Variants in MARCHF1 observed in about 807,000 individuals in gnomAD.
MARCHF1 encodes E3 ubiquitin-protein ligase MARCHF1.
MARCHF1 carries 40 observed loss-of-function variants against 54.2 expected under a neutral mutation model. The observed-to-expected ratio is 0.74, with a 90% CI of 0.57 to 0.96. The LOEUF (loss-of-function observed/expected upper bound fraction) is 0.96. Ranked by LOEUF, MARCHF1 falls within the 40% of genes least tolerant of loss-of-function variation. The probability of loss-of-function intolerance (pLI) is 0.00; values close to 1 mark genes in which losing one functional copy is unlikely to be tolerated. For synonymous variants in MARCHF1, 236 were observed against 236.3 expected, an observed-to-expected ratio of 1.00 and a Z score of 0.01; for missense variants, 586 against 656.5, an observed-to-expected ratio of 0.89 and a Z score of 1.17.
At position 164,218,262 on chromosome 4, in the gene MARCHF1, G is replaced by A. The variant is rs553086938; in HGVS notation, c.-322-106600C>T. On this transcript the variant is annotated intron_variant, in intron 1 of 9. Coordinates refer to ENST00000514618, the MANE Select transcript of MARCHF1 (RefSeq NM_001394959.1). ...GAAAATTACTTTTCTATAACAAGGA[G>A]GGGACATAAAAGTGTAAGAATTGTA... Among the ~76,000 whole-genome samples, 16 of 152,104 alleles carry A rather than the reference G, an allele frequency of 1.1e-4. No homozygotes were observed. In the South Asian group the frequency reaches 3.1e-3, roughly 30 times the overall value.
At chr4:164,334,979 C>T (rs1729692777) in intron 1 of MARCHF1, among the ~76,000 whole-genome samples, 1 of 152,140 alleles carries the variant, frequency 6.6e-6, no homozygotes. Flanking sequence ...GAAGACACAA[C>T]TGAATTACCG....
At chr4:164,206,209 G>A (rs1456769326) in intron 1 of MARCHF1, among the ~76,000 whole-genome samples, 1 of 152,216 alleles carries the variant, frequency 6.6e-6, no homozygotes, top group African/African-American at 2.4e-5. Flanking sequence ...GGCTCAGGCA[G>A]GCAGATCACC....
chr4:163,894,809 C>T (rs62653441), intron 3 of MARCHF1, among the ~76,000 whole-genome samples: 137 of 12,426 alleles, frequency 0.011, 6 homozygotes, highest in Non-Finnish European at 0.021. Flanking sequence ...CATATATATA[C>T]ATGCATGTGA....
intron 7 of MARCHF1, among the ~76,000 whole-genome samples, chr4:163,589,346 C>T (rs113606975): frequency 3.9e-5 from 6 of 152,094 alleles, no homozygotes; most frequent in African/African-American, 1.2e-4. Flanking sequence ...GCACCACTAA[C>T]AACATCATTT....
chr4:164,295,956 AAAC>A (rs1734399797), intron 1 of MARCHF1, among the ~76,000 whole-genome samples: 1 of 152,150 alleles, frequency 6.6e-6, no homozygotes, highest in Non-Finnish European at 1.5e-5. Flanking sequence ...CTAAAAGCAA[AAAC>A]AACAATAATA....
At chr4:164,213,468 C>G (rs1439245589) in intron 1 of MARCHF1, among the ~76,000 whole-genome samples, 2 of 151,756 alleles carry the variant, frequency 1.3e-5, no homozygotes, top group African/African-American at 4.8e-5. Flanking sequence ...ATCTCCTGAC[C>G]TCATGATTCG....
intron 2 of MARCHF1, among the ~76,000 whole-genome samples, chr4:164,012,507 G>T (rs1350708051): frequency 6.6e-6 from 1 of 152,088 alleles, no homozygotes; most frequent in Non-Finnish European, 1.5e-5. Flanking sequence ...GACTAAAGTG[G>T]TCTTGGGCTT....
At chr4:163,932,938 T>A (rs113909589) in intron 3 of MARCHF1, 1 of 660,202 alleles carries the variant, frequency 1.5e-6, no homozygotes, top group East Asian at 3.6e-5. Context: ...CAAAAACAAA[T>A]GATAGATAAT....
intron 2 of MARCHF1, among the ~76,000 whole-genome samples, chr4:164,010,015 T>C (rs1753383249): frequency 6.6e-6 from 1 of 150,510 alleles, no homozygotes; most frequent in Non-Finnish European, 1.5e-5. Flanking sequence ...CTTGTTTGAG[T>C]ATATTATTTT....
chr4:164,140,638 C>A (rs577007581), intron 1 of MARCHF1, among the ~76,000 whole-genome samples: 46 of 152,252 alleles, frequency 3.0e-4, no homozygotes, highest in African/African-American at 1.1e-3. Context: ...AGCTCCTCGG[C>A]TACAGCACCC....
intron 3 of MARCHF1, among the ~76,000 whole-genome samples, chr4:163,950,630 G>A (rs1752116295): frequency 1.3e-5 from 2 of 152,138 alleles, no homozygotes; most frequent in Non-Finnish European, 2.9e-5. Context: ...GGCTCCGTGG[G>A]GCATACAGCC....
chr4:164,293,337 C>T (rs1250877165), intron 1 of MARCHF1, among the ~76,000 whole-genome samples: 1 of 152,112 alleles, frequency 6.6e-6, no homozygotes, highest in Non-Finnish European at 1.5e-5. Context: ...CTATTCAGAC[C>T]ATCTCCGTAT....
intron 8 of MARCHF1, among the ~76,000 whole-genome samples, chr4:163,568,675 A>G (rs768732293): frequency 2.6e-5 from 4 of 152,158 alleles, no homozygotes; most frequent in Non-Finnish European, 4.4e-5. Flanking sequence ...GATCAGTGCC[A>G]GCCAGCCCTT....
At chr4:164,219,404 A>G (rs1166410017) in intron 1 of MARCHF1, among the ~76,000 whole-genome samples, 1 of 152,136 alleles carries the variant, frequency 6.6e-6, no homozygotes, top group Non-Finnish European at 1.5e-5. Flanking sequence ...TGATCTTCAA[A>G]TGAACTTTTC....
chr4:163,749,947 T>C (rs1270566532), intron 4 of MARCHF1, among the ~76,000 whole-genome samples: 3 of 151,980 alleles, frequency 2.0e-5, no homozygotes, highest in Non-Finnish European at 4.4e-5. Flanking sequence ...TGCATGCCTG[T>C]AGTCCCAGCT....
intron 1 of MARCHF1, among the ~76,000 whole-genome samples, chr4:164,279,681 T>C (rs1733977106): frequency 6.6e-6 from 1 of 151,566 alleles, no homozygotes; most frequent in Non-Finnish European, 1.5e-5. Context: ...TGTAAAAATT[T>C]CATAAATTGA....
intron 2 of MARCHF1, among the ~76,000 whole-genome samples, chr4:164,069,985 A>G (rs11100536): frequency 0.71 from 107,473 of 152,044 alleles, 38,754 homozygotes; most frequent in Non-Finnish European, 0.79. Flanking sequence ...AGAGCTTGAG[A>G]CTGTAGCCCT....
At chr4:164,071,211 A>G (rs1415900335) in intron 2 of MARCHF1, among the ~76,000 whole-genome samples, 1 of 152,218 alleles carries the variant, frequency 6.6e-6, no homozygotes, top group Non-Finnish European at 1.5e-5. Context: ...CTCCTTTTCA[A>G]AGTAAAACAT....
In MARCHF1 at chr4:163,741,582, C is replaced by CAA. The variant is rs71600636; in HGVS notation, c.112-40721_112-40720dup. Among the ~76,000 whole-genome samples the CAA allele has an allele frequency of 1.2e-3, 151 of 126,636 alleles. 1 individual carries two copies. Among genetic ancestry groups the CAA allele is most frequent in the South Asian group, 4.9e-3 (19 of 3,894 alleles). The allele number at this position is 126,636 out of a possible 152,430, so 83.1% of individuals were successfully genotyped here. On this transcript the variant is annotated intron_variant, in intron 4 of 9. Transcript: ENST00000514618. ...TGGGTGACAGAGTGAGACTCTGTCT[C>CAA]AAAAAAAAAAAAAAAATTTGGAAAC...
Sources: allele counts gnomAD v4.1 joint callset (sites outside exome capture counted in the v4.1 genomes callset), GRCh38; gene constraint gnomAD v4.1.1; transcripts MANE v1.5; gene names NCBI Gene and HGNC (gene_info 2026-07-23, HGNC 2026-07-21).